NBDY: variants seen among roughly 807,000 people sequenced by gnomAD.
NBDY encodes the protein P-body dissociating protein.
intron 2 of NBDY, among the ~76,000 whole-genome samples, chrX:56,805,596 G>T (rs2069844931): frequency 8.9e-6 from 1 of 111,960 alleles, no homozygotes; most frequent in African/African-American, 3.2e-5. Flanking sequence ...GGTGGGGGCA[G>T]TGGGGACCAG....
chrX:56,755,495 C>T (rs1370408437), intron 2 of NBDY, among the ~76,000 whole-genome samples: 1 of 110,314 alleles, frequency 9.1e-6, no homozygotes, highest in African/African-American at 3.3e-5. Flanking sequence ...TGAACAGACA[C>T]TTCTCAAAAG....
intron 2 of NBDY, among the ~76,000 whole-genome samples, chrX:56,792,563 G>A (rs1313570120): frequency 9.1e-6 from 1 of 110,477 alleles, no homozygotes; most frequent in Non-Finnish European, 1.9e-5. Context: ...TGCACGTGCA[G>A]ACACAAACAT....
At chrX:56,799,552 C>A (rs2069811400) in intron 2 of NBDY, among the ~76,000 whole-genome samples, 2 of 113,266 alleles carry the variant, frequency 1.8e-5, no homozygotes, top group Non-Finnish European at 3.7e-5. Context: ...GTGGGGGAAA[C>A]CCTGGCTTGG....
At chrX:56,761,327 T>C (rs1312042396) in intron 2 of NBDY, among the ~76,000 whole-genome samples, 1 of 113,046 alleles carries the variant, frequency 8.8e-6, no homozygotes, top group Admixed American at 9.3e-5. Context: ...TTGTTCATCT[T>C]CCTCATCCCT....
At chrX:56,763,799 T>G (rs776396190) in intron 2 of NBDY, among the ~76,000 whole-genome samples, 1 of 112,689 alleles carries the variant, frequency 8.9e-6, no homozygotes, top group East Asian at 2.8e-4. Context: ...ACCAGGTGAC[T>G]GATTCCTTTC....
At chrX:56,736,339 A>T (rs2069492430) in intron 2 of NBDY, among the ~76,000 whole-genome samples, 1 of 111,988 alleles carries the variant, frequency 8.9e-6, no homozygotes, top group Non-Finnish European at 1.9e-5. Context: ...ATCTAGGCCC[A>T]CTGCAGCCTC....
chrX:56,762,968 CACAT>C (rs1157570507), intron 2 of NBDY, among the ~76,000 whole-genome samples: 1 of 112,227 alleles, frequency 8.9e-6, no homozygotes, highest in Admixed American at 9.4e-5. Flanking sequence ...CCCACACAGA[CACAT>C]ACACACCACC....
intron 2 of NBDY, among the ~76,000 whole-genome samples, chrX:56,746,865 T>C (rs889285051): frequency 2.7e-5 from 3 of 112,160 alleles, no homozygotes; most frequent in Non-Finnish European, 5.6e-5. Flanking sequence ...CTTTTGTCAT[T>C]ACATCTTTCA....
chrX:56,781,486 C>T (rs2069690430), intron 2 of NBDY, among the ~76,000 whole-genome samples: 1 of 111,548 alleles, frequency 9.0e-6, no homozygotes, highest in African/African-American at 3.3e-5. Flanking sequence ...CTGGCTGGCG[C>T]CTTATCCTGT....
At position 56,746,060 on chromosome X, in the gene NBDY, C is replaced by T. The variant is rs1284515817; in HGVS notation, c.*166+13861C>T. ...ATTCCATGTCTAGGTTACCTGTTTA[C>T]AGAAATGCTCAGCATGAAGAGGAGT... is the stretch of plus-strand genomic sequence containing the variant. On this transcript the variant is annotated intron_variant, in intron 2 of 2. Transcript: ENST00000374922. Among the ~76,000 whole-genome samples, 8 of 111,808 alleles carry T rather than the reference C, an allele frequency of 7.2e-5. No individual in the cohort carries two copies. In the Admixed American group the frequency reaches 7.6e-4, roughly 11 times the overall value.
At chrX:56,804,429 G>A (rs968538256) in intron 2 of NBDY, among the ~76,000 whole-genome samples, 17 of 112,201 alleles carry the variant, frequency 1.5e-4, no homozygotes, top group Non-Finnish European at 3.2e-4. Flanking sequence ...TTCCACAGGC[G>A]GCTCTCCTAG....
At chrX:56,742,885 C>T (rs1290124489) in intron 2 of NBDY, among the ~76,000 whole-genome samples, 6 of 111,286 alleles carry the variant, frequency 5.4e-5, no homozygotes, top group Admixed American at 1.9e-4. Flanking sequence ...TGACAATGGG[C>T]GTCCTTGTCA....
At chrX:56,743,788 C>T (rs1172498944) in intron 2 of NBDY, among the ~76,000 whole-genome samples, 2 of 110,423 alleles carry the variant, frequency 1.8e-5, no homozygotes, top group South Asian at 7.6e-4. Flanking sequence ...TCATTTATTT[C>T]GGCTCTGGTG....
intron 2 of NBDY, among the ~76,000 whole-genome samples, chrX:56,745,204 C>A (rs1386198696): frequency 2.7e-5 from 3 of 111,283 alleles, no homozygotes; most frequent in Non-Finnish European, 5.7e-5. Context: ...GGATGATTCA[C>A]ATCTGGAGCA....
intron 2 of NBDY, among the ~76,000 whole-genome samples, chrX:56,795,659 A>T (rs2069788048): frequency 8.9e-6 from 1 of 112,244 alleles, no homozygotes; most frequent in South Asian, 3.7e-4. Flanking sequence ...GAGGAACGTC[A>T]ATCTCGTGTA....
intron 2 of NBDY, among the ~76,000 whole-genome samples, chrX:56,780,682 C>T (rs139912256): frequency 1.6e-5 from 1 of 61,652 alleles, no homozygotes; most frequent in Non-Finnish European, 3.1e-5. Context: ...GAATGTCAAT[C>T]TCGTGAGCGG....
chrX:56,747,165 C>T (rs941938841), intron 2 of NBDY, among the ~76,000 whole-genome samples: 2 of 111,814 alleles, frequency 1.8e-5, no homozygotes, highest in African/African-American at 6.5e-5. Context: ...TAAAGAATGC[C>T]TATTAAATTG....
At chrX:56,783,722 A>T (rs765956668) in intron 2 of NBDY, among the ~76,000 whole-genome samples, 4 of 112,521 alleles carry the variant, frequency 3.6e-5, no homozygotes, top group South Asian at 3.6e-4. Context: ...ATGTTCAGAA[A>T]CACCTTCCGC....
At chrX:56,754,127 G>T (rs2146719913) in intron 2 of NBDY, among the ~76,000 whole-genome samples, 1 of 111,588 alleles carries the variant, frequency 9.0e-6, no homozygotes, top group South Asian at 3.8e-4. Flanking sequence ...TGAGTATAAT[G>T]AATAGTTCGA....
Sources: allele counts gnomAD v4.1 joint callset (sites outside exome capture counted in the v4.1 genomes callset), GRCh38; gene constraint gnomAD v4.1.1; transcripts MANE v1.5; gene names NCBI Gene and HGNC (gene_info 2026-07-23, HGNC 2026-07-21).